DLD: variants seen among roughly 807,000 people sequenced by gnomAD.
The protein encoded by DLD is dihydrolipoyl dehydrogenase, mitochondrial.
In DLD, 36 loss-of-function variants were observed where a neutral mutation model predicts 62.2. The ratio of observed to expected loss-of-function variants is 0.58; its 90% CI spans 0.44 to 0.76. The LOEUF (loss-of-function observed/expected upper bound fraction) is 0.76. Among genes scored for constraint, DLD ranks in the 30% least tolerant of loss-of-function variants. The probability of loss-of-function intolerance (pLI) is 0.00; values close to 1 mark genes in which losing one functional copy is unlikely to be tolerated. For missense variants in DLD, 541 were observed against 608.6 expected (o/e 0.89, Z 1.17); for synonymous variants, 204 against 199.6 (o/e 1.02, Z -0.19).
At chr7:107,897,197 A>G (rs1367694883) in intron 2 of DLD, among the ~76,000 whole-genome samples, 1 of 152,176 alleles carries the variant, frequency 6.6e-6, no homozygotes, top group African/African-American at 2.4e-5. Flanking sequence ...TTTTAAGGTT[A>G]TTGAAGGTAC....
At position 107,915,679 on chromosome 7, in the gene DLD, T is replaced by C; in HGVS notation, c.858T>C (p.Asp286=). Residue 286 remains aspartate, a synonymous_variant, in exon 9 of 14, where the codon GAT becomes GAC. Transcript: ENST00000205402. ...TTACTGGTGCTACCAAGAAGTCAGA[T>C]GGAAAAATTGATGTTTCGTAAGTAT... is the stretch of plus-strand genomic sequence containing the variant. ...TKVTGATKKS[D]GKIDVSIEAA... 1 of 1,613,704 alleles carries C rather than the reference T, an allele frequency of 6.2e-7. No individual in the cohort carries two copies. Among genetic ancestry groups the C allele is most frequent in the South Asian group, 1.1e-5 (1 of 91,064 alleles).
At chr7:107,909,555 A>C (rs1325705824) in intron 8 of DLD, among the ~76,000 whole-genome samples, 1 of 152,206 alleles carries the variant, frequency 6.6e-6, no homozygotes, top group African/African-American at 2.4e-5. Flanking sequence ...CACCTTGCTG[A>C]TATCAAAATA....
chr7:107,897,031 C>T (rs1469567264), intron 2 of DLD, among the ~76,000 whole-genome samples: 1 of 152,052 alleles, frequency 6.6e-6, no homozygotes, highest in Non-Finnish European at 1.5e-5. Flanking sequence ...GATGGGGTTT[C>T]ACCATGTTGG....
intron 8 of DLD, among the ~76,000 whole-genome samples, chr7:107,908,101 T>C (rs920844890): frequency 1.3e-5 from 2 of 152,178 alleles, no homozygotes; most frequent in African/African-American, 2.4e-5. Flanking sequence ...CTCCATATTA[T>C]GCAAGTTCCC....
intron 8 of DLD, among the ~76,000 whole-genome samples, chr7:107,911,889 A>G (rs1162409052): frequency 1.3e-5 from 2 of 152,044 alleles, no homozygotes; most frequent in Admixed American, 6.5e-5. Context: ...ATTGTTACCT[A>G]TAGTCAACCC....
chr7:107,907,828 C>T (rs901292890), intron 8 of DLD, among the ~76,000 whole-genome samples: 3 of 152,222 alleles, frequency 2.0e-5, no homozygotes, highest in African/African-American at 7.2e-5. Context: ...CAATTTTGTT[C>T]GCACTTTTCC....
At position 107,918,331 on chromosome 7, in the gene DLD, T is replaced by C. The variant is rs74408434; in HGVS notation, c.1374+270T>C. On this transcript the variant is annotated intron_variant, in intron 12 of 13. Coordinates refer to ENST00000205402, the MANE Select transcript of DLD (RefSeq NM_000108.5). The stretch of plus-strand genomic sequence containing the variant: ...AAATCCTCCAGTGGTGCTTTTCAAC[T>C]TCAGATTGTTACATCCAAGGCCTCA... Among the ~76,000 whole-genome samples the C allele has an allele frequency of 2.6e-3, 390 of 152,320 alleles. 1 individual carries two copies. The highest frequency in any genetic ancestry group is 4.2e-3 in the Non-Finnish European group (285 of 68,018).
intron 2 of DLD, among the ~76,000 whole-genome samples, chr7:107,901,000 C>A (rs2031862073): frequency 6.6e-6 from 1 of 152,034 alleles, no homozygotes; most frequent in Admixed American, 6.5e-5. Context: ...GGATACTGAT[C>A]AAAATTAATT....
intron 7 of DLD, 50 bp downstream of exon 7, chr7:107,905,554 C>T (rs757410124): frequency 8.3e-6 from 13 of 1,567,660 alleles, no homozygotes; most frequent in South Asian, 5.6e-5. Flanking sequence ...TTTAGAAATA[C>T]GTTTTATAAG....
chr7:107,904,986 G>C lies in DLD; in HGVS notation c.366G>C (p.Lys122Asn), dbSNP rs1407332858. ...EMSEVRLNLD[K>N]MMEQKSTAVK... ...CCGAAGTTCGCTTGAATTTAGACAA[G>C]ATGATGGAGCAGAAGAGTACTGCAG... The change falls in exon 6 of 14, where the codon AAG (lysine) becomes AAC (asparagine). Residue 122 changes from lysine to asparagine, a missense_variant. Physicochemically the swap from Lys to Asn is moderately conservative, Grantham distance 94. Coordinates refer to ENST00000205402, the MANE Select transcript of DLD (RefSeq NM_000108.5). 6.2e-7 allele frequency: 1 copy of C among 1,613,200 alleles called. No individual in the cohort carries two copies. Among genetic ancestry groups the C allele is most frequent in the Middle Eastern group, 1.7e-4 (1 of 6,056 alleles).
intron 2 of DLD, among the ~76,000 whole-genome samples, chr7:107,900,155 G>T (rs1365137425): frequency 6.6e-6 from 1 of 151,914 alleles, no homozygotes; most frequent in African/African-American, 2.4e-5. Flanking sequence ...TAACCAAAGA[G>T]AATCTAGTAT....
chr7:107,896,406 G>T (rs959980962), intron 2 of DLD, among the ~76,000 whole-genome samples: 5 of 152,198 alleles, frequency 3.3e-5, no homozygotes, highest in African/African-American at 1.2e-4. Flanking sequence ...TAGGCTGCAG[G>T]TGTCATCCTT....
At chr7:107,908,585 C>G (rs2032065385) in intron 8 of DLD, among the ~76,000 whole-genome samples, 1 of 151,312 alleles carries the variant, frequency 6.6e-6, no homozygotes, top group African/African-American at 2.4e-5. Flanking sequence ...GGAGAATCAC[C>G]TGAGCCTGGG....
In DLD at chr7:107,920,256, G is replaced by A. The variant is rs900950593; in HGVS notation, c.*997G>A. 2 of 152,298 alleles carry A rather than the reference G, an allele frequency of 1.3e-5. No homozygotes were observed. Among genetic ancestry groups the A allele is most frequent in the Non-Finnish European group, 2.9e-5 (2 of 68,024 alleles). 9.4% of individuals were successfully genotyped at this position (152,298 alleles called of 1,614,324 possible). A position where few individuals can be genotyped will look rare whatever the true frequency, so the allele number is the denominator to read the frequency against. ...AGAGTGTTGTAAAATTGGATGTGTG[G>A]TGTTTAAAATGGCCATGTCCTGAGG... On this transcript the variant is annotated 3_prime_UTR_variant, in exon 14 of 14. Coordinates refer to ENST00000205402, the MANE Select transcript of DLD (RefSeq NM_000108.5).
chr7:107,904,837 G>C, intron 5 of DLD, 121 bp from the exon 6 acceptor site: 1 of 729,324 alleles, frequency 1.4e-6, no homozygotes, highest in Non-Finnish European at 2.4e-6. Context: ...ATTACATTTT[G>C]AAACTTTAAT....
At chr7:107,891,123 A>G (rs1476103665), upstream of DLD, 4 of 1,248,778 alleles carry the variant, frequency 3.2e-6, no homozygotes, top group Admixed American at 5.8e-5. Flanking sequence ...GCGCGGGCCA[A>G]TCGCGCTGCT....
chr7:107,911,341 A>G (rs2032134587), intron 8 of DLD, among the ~76,000 whole-genome samples: 1 of 152,186 alleles, frequency 6.6e-6, no homozygotes, highest in Admixed American at 6.5e-5. Flanking sequence ...ATCTGGCTAA[A>G]TATCTCATTC....
At chr7:107,898,835 A>G (rs1020093168) in intron 2 of DLD, among the ~76,000 whole-genome samples, 1 of 151,596 alleles carries the variant, frequency 6.6e-6, no homozygotes, top group Non-Finnish European at 1.5e-5. Flanking sequence ...CGGCCTCCCA[A>G]AGTGCTGAGG....
At position 107,917,481 on chromosome 7, in the gene DLD, G is replaced by GAAAA. The variant is rs756355694; in HGVS notation, c.1236+19_1236+20insAAAA. The GAAAA allele has an allele frequency of 3.1e-6, 5 of 1,613,490 alleles. No homozygotes were observed. In the Admixed American group the frequency reaches 6.7e-5, roughly 22 times the overall value. On this transcript the variant is annotated intron_variant, in intron 11 of 13. Transcript: ENST00000205402. ...AGAAGAGGTAAGTCTGAACATGGGT[G>GAAAA]GTTTTAAGCCAATGTGTGAGTTGTG...
Sources: gnomAD v4.1 joint callset for allele counts (sites outside exome capture counted in the v4.1 genomes callset) on GRCh38, gnomAD v4.1.1 for gene constraint, MANE v1.5 for transcripts, NCBI Gene and HGNC (gene_info 2026-07-23, HGNC 2026-07-21) for gene names.